The following ARF1 variants were observed in gnomAD, a reference collection of about 807,000 sequenced individuals.
The protein encoded by ARF1 is ARF GTPase 1, also known as ADP-ribosylation factor 1.
Under a neutral mutation model 18.0 loss-of-function variants are expected in ARF1, and 1 was observed. That is an observed-to-expected ratio of 0.06 (90% CI 0.02 to 0.26). The LOEUF (loss-of-function observed/expected upper bound fraction) is 0.26. ARF1 is among the 10% of genes least tolerant of loss of function. The pLI, the probability that ARF1 is intolerant of heterozygous loss-of-function variation, is 1.00. For synonymous variants in ARF1, 112 were observed against 96.3 expected (o/e 1.16, Z -0.95); for missense variants, 73 against 247.2 (o/e 0.30, Z 4.73).
rs1179358596 is a variant in ARF1, at chr1:228,098,926, T to A, written c.*913T>A. ...CACAGCCCCTCGGGAGCACCCCACC[T>A]CTGTGTGTGATGTAGCTTTCTCTCC... is the stretch of plus-strand genomic sequence containing the variant. On this transcript the variant is annotated 3_prime_UTR_variant, in exon 5 of 5. Transcript: ENST00000272102. 1.3e-5 allele frequency: 2 copies of A among 152,510 alleles called. No homozygotes were observed. Among genetic ancestry groups the A allele is most frequent in the East Asian group, 3.9e-4 (2 of 5,186 alleles). 9.4% of individuals were successfully genotyped at this position (152,510 alleles called of 1,614,324 possible). A position where few individuals can be genotyped will look rare whatever the true frequency, so the allele number is the denominator to read the frequency against.
chr1:228,091,582 T>C (rs535286760), intron 1 of ARF1, among the ~76,000 whole-genome samples: 1 of 151,926 alleles, frequency 6.6e-6, no homozygotes, highest in Admixed American at 6.6e-5. Context: ...GTGCGTGGAG[T>C]GTCTCGGTCA....
chr1:228,098,153 G>GGCTGCGTCTGCCAC lies in ARF1; in HGVS notation c.*140_*141insGCTGCGTCTGCCAC. 1 of 1,039,816 alleles carries GGCTGCGTCTGCCAC rather than the reference G, an allele frequency of 9.6e-7. No individual in the cohort carries two copies. Among genetic ancestry groups the GGCTGCGTCTGCCAC allele is most frequent in the Non-Finnish European group, 1.3e-6 (1 of 747,972 alleles). 64.4% of individuals were successfully genotyped at this position (1,039,816 alleles called of 1,614,324 possible). On this transcript the variant is annotated 3_prime_UTR_variant, in exon 5 of 5. Transcript: ENST00000272102. ...ATCGCACCGTGCTGTAAATGTGGCAGACGCAGCCTGCGGCCAGGCTTTTTA... is the reference window on the plus strand; with the variant it reads ...ATCGCACCGTGCTGTAAATGTGGCAGGCTGCGTCTGCCACACGCAGCCTGCGGCCAGGCTTTTTA...
Position 228,097,057 on chromosome 1 carries a change from T to C in ARF1, c.-37-21T>C. On this transcript the variant is annotated intron_variant, in intron 1 of 4. Transcript: ENST00000272102. This position sits in a 1 kb window ranked among gnomAD's most constrained non-coding sequence, Gnocchi z 8.1. ...CTGCTGGGCAGCACAGAACCAGACATGGAGCACCTTGTCTCTCCAGGTGTC... is the reference window on the plus strand; with the variant it reads ...CTGCTGGGCAGCACAGAACCAGACACGGAGCACCTTGTCTCTCCAGGTGTC... The C allele has an allele frequency of 6.5e-7, 1 of 1,543,654 alleles. No individual in the cohort carries two copies. The highest frequency in any genetic ancestry group is 8.7e-7 in the Non-Finnish European group (1 of 1,142,940).
At chr1:228,091,334 TGTG>T (rs1218266752) in intron 1 of ARF1, among the ~76,000 whole-genome samples, 1 of 152,180 alleles carries the variant, frequency 6.6e-6, no homozygotes, top group Non-Finnish European at 1.5e-5. Flanking sequence ...CAGCAGCAGA[TGTG>T]TTAGAGGGGA....
At chr1:228,088,677 A>G (rs534372729) in intron 1 of ARF1, among the ~76,000 whole-genome samples, 229 of 152,318 alleles carry the variant, frequency 1.5e-3, no homozygotes, top group African/African-American at 4.9e-3. Context: ...CTTCATGGAC[A>G]TGGCTTGCCC....
chr1:228,094,837 C>G (rs938419899), intron 1 of ARF1, among the ~76,000 whole-genome samples: 2 of 152,192 alleles, frequency 1.3e-5, no homozygotes, highest in African/African-American at 4.8e-5. Flanking sequence ...CTTCCATTCT[C>G]TGGGGCATCA....
chr1:228,083,928 C>T (rs1309157793), intron 1 of ARF1, among the ~76,000 whole-genome samples: 2 of 152,246 alleles, frequency 1.3e-5, no homozygotes, highest in Admixed American at 1.3e-4. Context: ...TCCCCGAAGT[C>T]GCCGCCTAGT....
At chr1:228,088,188 A>G (rs1286138985) in intron 1 of ARF1, 3 of 152,440 alleles carry the variant, frequency 2.0e-5, no homozygotes, top group Admixed American at 2.0e-4. Flanking sequence ...TACCAGGACC[A>G]TCCGGAAGGG....
In ARF1 at chr1:228,098,069, A is replaced by G; in HGVS notation, c.*56A>G. ...CCCTCTGCTTTACTCTCATGTGGCA[A>G]ACGTGCGGCTCGTGGTGTGAGTGCC... On this transcript the variant is annotated 3_prime_UTR_variant, in exon 5 of 5. Transcript: ENST00000272102. 6.4e-7 allele frequency: 1 copy of G among 1,551,008 alleles called. No individual in the cohort carries two copies. The highest frequency in any genetic ancestry group is 8.7e-7 in the Non-Finnish European group (1 of 1,143,302).
In ARF1 at chr1:228,097,056, A is replaced by G; in HGVS notation, c.-37-22A>G. The G allele has an allele frequency of 3.9e-6, 6 of 1,544,376 alleles. No homozygotes were observed. The highest frequency in any genetic ancestry group is 5.2e-6 in the Non-Finnish European group (6 of 1,143,770). On this transcript the variant is annotated intron_variant, in intron 1 of 4. Transcript: ENST00000272102. The surrounding 1 kb of genome is among the most constrained non-coding windows in gnomAD (Gnocchi z 8.1). ...ACTGCTGGGCAGCACAGAACCAGAC[A>G]TGGAGCACCTTGTCTCTCCAGGTGT...
chr1:228,090,865 C>T (rs983735910), intron 1 of ARF1: 1 of 152,296 alleles, frequency 6.6e-6, no homozygotes, highest in Non-Finnish European at 1.5e-5. Context: ...GAGCATTTGC[C>T]ATGATGCCAT....
chr1:228,087,708 A>C (rs1374308908), intron 1 of ARF1, among the ~76,000 whole-genome samples: 2 of 152,138 alleles, frequency 1.3e-5, no homozygotes, highest in African/African-American at 4.8e-5. Flanking sequence ...CAGATTTTGA[A>C]CACACATCCT....
At chr1:228,095,558 G>A (rs1427034670) in intron 1 of ARF1, among the ~76,000 whole-genome samples, 2 of 152,194 alleles carry the variant, frequency 1.3e-5, no homozygotes, top group Non-Finnish European at 2.9e-5. Flanking sequence ...CAGCTGTTGT[G>A]TTAGTATATT....
rs371761353 is a variant in ARF1, at chr1:228,097,103, C to T, written c.-12C>T. ...GTGTCCCTGGCCAGTGTCCTTCCAC[C>T]TGTCCACAAGCATGGGGAACATCTT... On this transcript the variant is annotated 5_prime_UTR_variant, in exon 2 of 5. Transcript: ENST00000272102. This position sits in a 1 kb window ranked among gnomAD's most constrained non-coding sequence, Gnocchi z 8.1. 1.3e-6 allele frequency: 2 copies of T among 1,588,956 alleles called. No individual in the cohort carries two copies. Among genetic ancestry groups the T allele is most frequent in the Non-Finnish European group, 1.7e-6 (2 of 1,167,364 alleles).
chr1:228,084,159 C>G (rs1296148708), intron 1 of ARF1, among the ~76,000 whole-genome samples: 1 of 152,200 alleles, frequency 6.6e-6, no homozygotes, highest in East Asian at 1.9e-4. Flanking sequence ...ACACGTGTGA[C>G]CGCATGGATG....
intron 1 of ARF1, among the ~76,000 whole-genome samples, chr1:228,084,610 T>A (rs752081874): frequency 1.3e-5 from 2 of 152,216 alleles, no homozygotes; most frequent in Non-Finnish European, 2.9e-5. Context: ...TCTTGCACAA[T>A]ATGGAGAGGA....
chr1:228,090,146 G>T (rs2032531841), intron 1 of ARF1, among the ~76,000 whole-genome samples: 1 of 152,230 alleles, frequency 6.6e-6, no homozygotes, highest in South Asian at 2.1e-4. Flanking sequence ...CTGTGCCATC[G>T]CACAGTCATT....
intron 1 of ARF1, among the ~76,000 whole-genome samples, chr1:228,094,427 C>T (rs924437532): frequency 6.6e-6 from 1 of 152,172 alleles, no homozygotes; most frequent in African/African-American, 2.4e-5. Context: ...TGGAGTAACT[C>T]ATAAAAGGCC....
At chr1:228,091,018 C>G (rs1166992483) in intron 1 of ARF1, 1 of 152,208 alleles carries the variant, frequency 6.6e-6, no homozygotes, top group Non-Finnish European at 1.5e-5. Context: ...TGGTGAGGTG[C>G]TTTGAAGTAA....
Sources: gnomAD v4.1 joint callset for allele counts (sites outside exome capture counted in the v4.1 genomes callset) on GRCh38, gnomAD v4.1.1 for gene constraint, Gnocchi (gnomAD v3.1) non-coding constraint, MANE v1.5 for transcripts, NCBI Gene and HGNC (gene_info 2026-07-23, HGNC 2026-07-21) for gene names.